RIMBP2: variants seen among roughly 807,000 people sequenced by gnomAD.
RIMBP2 encodes RIMS binding protein 2, also known as RIMS-binding protein 2.
Under a neutral mutation model 118.6 loss-of-function variants are expected in RIMBP2, and 48 were observed. The observed-to-expected ratio is 0.40, with a 90% confidence interval of 0.32 to 0.51. The LOEUF (loss-of-function observed/expected upper bound fraction) is 0.51, where lower values mean the gene tolerates loss of function less well. RIMBP2 is among the 20% of genes least tolerant of loss of function. The pLI, the probability that RIMBP2 is intolerant of heterozygous loss-of-function variation, is 0.41. For synonymous variants in RIMBP2, 762 were observed against 742.9 expected (o/e 1.03, Z -0.42); for missense variants, 1,551 against 1,768.3 (o/e 0.88, Z 2.20).
chr12:130,614,024 G>T (rs1304973165), intron 2 of RIMBP2, among the ~76,000 whole-genome samples: 1 of 152,150 alleles, frequency 6.6e-6, no homozygotes, highest in Non-Finnish European at 1.5e-5. Flanking sequence ...AGAAAAGCCA[G>T]CCCCGTCTCT....
rs1026406091 is a variant in RIMBP2 at position 130,442,092 on chromosome 12, C to T, written c.1260G>A (p.Thr420=). Residue 420 remains threonine, a synonymous_variant, in exon 11 of 23, where the codon ACG becomes ACA. Coordinates refer to ENST00000690449, the MANE Select transcript of RIMBP2 (RefSeq NM_001393629.1). This position sits in a 1 kb window ranked among gnomAD's most constrained non-coding sequence, Gnocchi z 6.9. ...APSHLRVDNI[T]QISAQLSWLP... ...GCCAGGAGAGCTGGGCGGAGATCTG[C>T]GTGATGTTGTCCACCCGCAGGTGGG... The T allele has an allele frequency of 7.4e-6, 12 of 1,614,012 alleles. No individual in the cohort carries two copies. The highest frequency in any genetic ancestry group is 2.2e-5 in the South Asian group (2 of 91,078).
At chr12:130,448,061 C>T (rs778503705) in intron 9 of RIMBP2, among the ~76,000 whole-genome samples, 6 of 151,318 alleles carry the variant, frequency 4.0e-5, no homozygotes, top group Middle Eastern at 3.4e-3. Context: ...ACAGCTCTCT[C>T]GGGGACCAGC....
intron 21 of RIMBP2, among the ~76,000 whole-genome samples, chr12:130,403,122 GCT>G (rs1431165280): frequency 2.0e-5 from 3 of 152,140 alleles, no homozygotes; most frequent in Admixed American, 6.5e-5. Context: ...ATTTGAATTC[GCT>G]CTCTCGAGAT....
intron 14 of RIMBP2, chr12:130,429,243 C>T (rs1235723753): frequency 1.3e-5 from 2 of 152,300 alleles, no homozygotes; most frequent in African/African-American, 4.8e-5. Context: ...CCAGCTCAGC[C>T]TCAGCATGAG....
At chr12:130,557,940 C>T (rs1158952164) in intron 2 of RIMBP2, among the ~76,000 whole-genome samples, 1 of 152,076 alleles carries the variant, frequency 6.6e-6, no homozygotes, top group Non-Finnish European at 1.5e-5. Flanking sequence ...CTCCTGCGAC[C>T]CCGGTTCCTC....
intron 2 of RIMBP2, among the ~76,000 whole-genome samples, chr12:130,551,235 T>C (rs1032520056): frequency 1.3e-5 from 2 of 152,218 alleles, no homozygotes; most frequent in Non-Finnish European, 2.9e-5. Flanking sequence ...ACAGGATCTC[T>C]GCCAGCTAGC....
rs535265367 is a variant in RIMBP2, at chr12:130,706,588, AG to A, written c.-352+9633del. Among the ~76,000 whole-genome samples the A allele has an allele frequency of 2.0e-4, 31 of 152,388 alleles. No homozygotes were observed. The East Asian group carries it at 5.0e-3, about 25-fold the overall frequency. ...CCCATGGCAGCATGGCGTAGTGGCCAGGGGCAGGCGCTCTGGCGAAAGTGCC... is the reference window on the plus strand; with the variant it reads ...CCCATGGCAGCATGGCGTAGTGGCCAGGGCAGGCGCTCTGGCGAAAGTGCC... On this transcript the variant is annotated intron_variant, in intron 1 of 22. Transcript: ENST00000690449.
In RIMBP2 at chr12:130,683,769, C is replaced by T. The variant is rs1010990286; in HGVS notation, c.-352+32453G>A. 2.6e-5 allele frequency among the ~76,000 whole-genome samples: 4 copies of T among 152,166 alleles called. No individual in the cohort carries two copies. The highest frequency in any genetic ancestry group is 9.7e-5 in the African/African-American group (4 of 41,430). On this transcript the variant is annotated intron_variant, in intron 1 of 22. Transcript: ENST00000690449. This position sits in a 1 kb window ranked among gnomAD's most constrained non-coding sequence, Gnocchi z 4.4. ...ACGCCATGGCAATGTCAGGAAGTTA[C>T]CCTATATGGTCTAGAAAGGGGAGGT...
intron 1 of RIMBP2, among the ~76,000 whole-genome samples, chr12:130,664,447 GCACACA>G (rs1566439298): frequency 8.2e-6 from 1 of 122,414 alleles, no homozygotes; most frequent in Non-Finnish European, 1.8e-5. Flanking sequence ...ACGCACACAC[GCACACA>G]CATGCACGCA....
At chr12:130,438,334 A>ATC in intron 12 of RIMBP2, 31 bp downstream of exon 12, 13 of 1,344,502 alleles carry the variant, frequency 9.7e-6, no homozygotes, top group Non-Finnish European at 1.3e-5. Context: ...GGGCCTAACA[A>ATC]ACCCTCCCCA....
chr12:130,433,650 G>T (rs1033285707), intron 14 of RIMBP2, among the ~76,000 whole-genome samples: 1 of 152,184 alleles, frequency 6.6e-6, no homozygotes, highest in African/African-American at 2.4e-5. Context: ...AGTCTGCTCA[G>T]CGAGATGTCA....
intron 5 of RIMBP2, among the ~76,000 whole-genome samples, chr12:130,472,908 G>A (rs1216031535): frequency 1.3e-5 from 2 of 152,090 alleles, no homozygotes; most frequent in South Asian, 2.1e-4. Context: ...GTCGAAGGCC[G>A]AAAACTGTTC....
At chr12:130,539,038 C>T (rs921778592) in intron 2 of RIMBP2, among the ~76,000 whole-genome samples, 2 of 152,200 alleles carry the variant, frequency 1.3e-5, no homozygotes, top group Non-Finnish European at 2.9e-5. Flanking sequence ...TTCTAGACCA[C>T]GCTTCAGAAA....
rs185684194 is a variant in RIMBP2 at position 130,576,392 on chromosome 12, G to T, written c.-217+51930C>A. Among the ~76,000 whole-genome samples the T allele has an allele frequency of 2.0e-3, 309 of 152,200 alleles. 2 individuals are homozygous for T. Among genetic ancestry groups the T allele is most frequent in the African/African-American group, 7.2e-3 (298 of 41,548 alleles). ...GCTTCTAGATCCTCAGCAGGTTGGC[G>T]CATGACCCTCAGAGCCCTAAACACA... is the stretch of plus-strand genomic sequence containing the variant. On this transcript the variant is annotated intron_variant, in intron 2 of 22. Coordinates refer to ENST00000690449, the MANE Select transcript of RIMBP2 (RefSeq NM_001393629.1). The surrounding 1 kb of genome is among the most constrained non-coding windows in gnomAD (Gnocchi z 4.2).
intron 2 of RIMBP2, among the ~76,000 whole-genome samples, chr12:130,579,607 G>C (rs1266702778): frequency 6.6e-6 from 1 of 152,150 alleles, no homozygotes; most frequent in African/African-American, 2.4e-5. Context: ...AGTCCTGTGA[G>C]TCCTGAGAGA....
intron 1 of RIMBP2, among the ~76,000 whole-genome samples, chr12:130,644,588 C>T (rs547145456): frequency 9.8e-5 from 15 of 152,316 alleles, no homozygotes; most frequent in East Asian, 9.6e-4. Context: ...AGCACACCTG[C>T]GTCTAAGCCC....
At chr12:130,460,712 A>G (rs1230943874) in intron 6 of RIMBP2, among the ~76,000 whole-genome samples, 1 of 152,180 alleles carries the variant, frequency 6.6e-6, no homozygotes, top group East Asian at 1.9e-4. Flanking sequence ...CAGCAGGGAT[A>G]TTGGTGTTCT....
At chr12:130,618,435 G>GC (rs1229215884) in intron 2 of RIMBP2, among the ~76,000 whole-genome samples, 1 of 152,092 alleles carries the variant, frequency 6.6e-6, no homozygotes, top group Admixed American at 6.5e-5. Context: ...GATCCTACTG[G>GC]CCCCCTCCTC....
At chr12:130,501,754 C>T (rs1007793729) in intron 4 of RIMBP2, among the ~76,000 whole-genome samples, 1 of 152,236 alleles carries the variant, frequency 6.6e-6, no homozygotes, top group Non-Finnish European at 1.5e-5. Context: ...ACCTCTGCTG[C>T]TGCTATGCAC....
Sources: gnomAD v4.1 joint callset for allele counts (sites outside exome capture counted in the v4.1 genomes callset) on GRCh38, gnomAD v4.1.1 for gene constraint, Gnocchi (gnomAD v3.1) non-coding constraint, MANE v1.5 for transcripts, NCBI Gene and HGNC (gene_info 2026-07-23, HGNC 2026-07-21) for gene names.